The following ITSN1 variants were observed in gnomAD, a reference collection of about 807,000 sequenced individuals.
The protein encoded by ITSN1 is intersectin 1.
In ITSN1, 58 loss-of-function variants were observed where a neutral mutation model predicts 239.8. That is an observed-to-expected ratio of 0.24 (90% CI 0.20 to 0.30). The LOEUF is 0.30. Ranked by LOEUF, ITSN1 falls within the 10% of genes least tolerant of loss-of-function variation. ITSN1 has a pLI of 1.00. For missense variants in ITSN1, 1,558 were observed against 2,103.3 expected (o/e 0.74, Z 5.07); for synonymous variants, 780 against 770.8 (o/e 1.01, Z -0.20).
At chr21:33,743,117 A>G (rs2066962523) in intron 5 of ITSN1, among the ~76,000 whole-genome samples, 1 of 152,204 alleles carries the variant, frequency 6.6e-6, no homozygotes, top group South Asian at 2.1e-4. Context: ...GAAGCAACAC[A>G]GGGGATACTA....
At position 33,865,145 on chromosome 21, in the gene ITSN1, G is replaced by A. The variant is rs757339162; in HGVS notation, c.3891-6G>A. The A allele has an allele frequency of 2.7e-5, 44 of 1,610,202 alleles. No homozygotes were observed. The highest frequency in any genetic ancestry group is 3.0e-5 in the Non-Finnish European group (35 of 1,177,714). On this transcript the variant is annotated splice_region_variant and splice_polypyrimidine_tract_variant and intron_variant, in intron 31 of 39. Coordinates refer to ENST00000381318, the MANE Select transcript of ITSN1 (RefSeq NM_003024.3). This position sits in a 1 kb window ranked among gnomAD's most constrained non-coding sequence, Gnocchi z 4.4. ...CAGGGGGCTCACCTCCCGTGTTTCC[G>A]TGCAGAGCGCTGAGAGTCCGCAAGA...
At chr21:33,782,231 T>C (rs1225940182) in intron 16 of ITSN1, 98 bp downstream of exon 16, 1 of 1,165,050 alleles carries the variant, frequency 8.6e-7, no homozygotes, top group African/African-American at 1.6e-5. Flanking sequence ...GAAAAATTTA[T>C]TATGCCATTG....
At chr21:33,773,478 T>C (rs1359868221) in intron 12 of ITSN1, among the ~76,000 whole-genome samples, 2 of 152,068 alleles carry the variant, frequency 1.3e-5, no homozygotes, top group Non-Finnish European at 2.9e-5. Flanking sequence ...TTCTTTCATG[T>C]GAATGAAAGA....
intron 1 of ITSN1, among the ~76,000 whole-genome samples, chr21:33,690,790 C>CAT (rs1167375498): frequency 0.078 from 1,014 of 12,938 alleles, 64 homozygotes; most frequent in South Asian, 0.11. Flanking sequence ...TATATATATA[C>CAT]ATATATATAT....
At chr21:33,844,744 C>A (rs2074935352) in intron 29 of ITSN1, among the ~76,000 whole-genome samples, 1 of 152,124 alleles carries the variant, frequency 6.6e-6, no homozygotes, top group Non-Finnish European at 1.5e-5. Flanking sequence ...GGGGACCAGG[C>A]CAGGGATGCC....
intron 8 of ITSN1, among the ~76,000 whole-genome samples, chr21:33,761,396 G>A (rs894436413): frequency 2.0e-5 from 3 of 151,778 alleles, no homozygotes; most frequent in Non-Finnish European, 4.4e-5. Context: ...GGCTATTAGC[G>A]CTTCCTGCAA....
rs2069465108 is a variant in ITSN1 at position 33,774,762 on chromosome 21, C to T, written c.1339C>T (p.Leu447Phe). The stretch of plus-strand genomic sequence containing the variant: ...ACGGGAACTTGAAAGGCAACGACAA[C>T]TTGAGTGGGAACGGAATCGAAGGCA... Reference protein sequence around the residue: ...AKRELERQRQLEWERNRRQEL... With the variant: ...AKRELERQRQFEWERNRRQEL... Residue 447 changes from leucine (L) to phenylalanine (F), a missense_variant, in exon 13 of 40, where the codon CTT becomes TTT. This residue lies in a region of ITSN1 where 982 missense variants were observed against 1,209.9 expected (regional missense o/e 0.81). Transcript: ENST00000381318. The T allele has an allele frequency of 6.2e-7, 1 of 1,613,814 alleles. No homozygotes were observed. The highest frequency in any genetic ancestry group is 1.3e-5 in the African/African-American group (1 of 74,896).
At chr21:33,757,133 C>T (rs2067983291) in intron 8 of ITSN1, 1 of 152,170 alleles carries the variant, frequency 6.6e-6, no homozygotes, top group Non-Finnish European at 1.5e-5. Context: ...CACCAGTGCT[C>T]CATACAAACC....
At chr21:33,730,045 C>G (rs1049704528) in intron 4 of ITSN1, among the ~76,000 whole-genome samples, 2 of 151,918 alleles carry the variant, frequency 1.3e-5, no homozygotes, top group Non-Finnish European at 2.9e-5. Flanking sequence ...CTACCTCTTA[C>G]GTGGATATGT....
chr21:33,644,618 G>T (rs572792611), intron 1 of ITSN1, among the ~76,000 whole-genome samples: 1 of 151,806 alleles, frequency 6.6e-6, no homozygotes, highest in South Asian at 2.1e-4. Context: ...ATGAGTGGTA[G>T]CAAGTTAGTT....
chr21:33,679,597 G>GTAA (rs1448145314), intron 1 of ITSN1, among the ~76,000 whole-genome samples: 1 of 151,628 alleles, frequency 6.6e-6, no homozygotes, highest in Non-Finnish European at 1.5e-5. Context: ...GTGGATTATA[G>GTAA]GTTTTAGGAA....
At position 33,856,836 on chromosome 21, in the gene ITSN1, T is replaced by C. The variant is rs150662587; in HGVS notation, c.3762T>C (p.Asn1254=). The C allele has an allele frequency of 6.4e-5, 103 of 1,613,814 alleles. No homozygotes were observed. In the African/African-American group the frequency reaches 1.3e-3, roughly 20 times the overall value. ...TTGTCACCGAGGAGAACTATGTGAA[T>C]GACCTGCAGCTGGTCACAGAGGTAA... The part of the protein sequence containing the change: ...ELIVTEENYV[N]DLQLVTEIFQ... Residue 1254 remains asparagine, a synonymous_variant, in exon 30 of 40, where the codon AAT becomes AAC. Transcript: ENST00000381318.
chr21:33,672,714 A>AT lies in ITSN1; in HGVS notation c.-33+30017dup, dbSNP rs1280113093. ...TCCCAATAGACAAGATATGGAAACG[A>AT]TTTTTTTTTTTTTTTTGAGACGGAG... is the stretch of plus-strand genomic sequence containing the variant. On this transcript the variant is annotated intron_variant, in intron 1 of 39. Coordinates refer to ENST00000381318, the MANE Select transcript of ITSN1 (RefSeq NM_003024.3). 4.8e-3 allele frequency among the ~76,000 whole-genome samples: 683 copies of AT among 142,660 alleles called. 10 individuals carry two copies. The South Asian group carries it at 0.05, about 10-fold the overall frequency. 93.6% of individuals were successfully genotyped at this position (142,660 alleles called of 152,430 possible). A position where few individuals can be genotyped will look rare whatever the true frequency, so the allele number is the denominator to read the frequency against.
chr21:33,815,824 A>G (rs568345457), intron 22 of ITSN1, among the ~76,000 whole-genome samples: 2 of 152,074 alleles, frequency 1.3e-5, no homozygotes, highest in Admixed American at 6.6e-5. Context: ...CTCAGTGAGG[A>G]GGGAGCCTGG....
chr21:33,847,878 TG>T (rs1260509970), intron 29 of ITSN1, among the ~76,000 whole-genome samples: 1 of 152,208 alleles, frequency 6.6e-6, no homozygotes, highest in Non-Finnish European at 1.5e-5. Context: ...TGGCTGTACA[TG>T]GGAACCACAC....
chr21:33,828,590 C>T (rs2074105817), intron 26 of ITSN1, among the ~76,000 whole-genome samples: 1 of 152,216 alleles, frequency 6.6e-6, no homozygotes. Flanking sequence ...GACCTTTTTG[C>T]GTTCTTCCTT....
intron 29 of ITSN1, 70 bp downstream of exon 29, chr21:33,836,702 G>GCAGAATCAGAGCA: frequency 2.4e-6 from 3 of 1,254,014 alleles, no homozygotes; most frequent in Non-Finnish European, 3.4e-6. Flanking sequence ...GCATTGCTCT[G>GCAGAATCAGAGCA]ATTCTGCTGA....
At chr21:33,650,272 C>T (rs1007697115) in intron 1 of ITSN1, among the ~76,000 whole-genome samples, 4 of 152,172 alleles carry the variant, frequency 2.6e-5, no homozygotes, top group Non-Finnish European at 4.4e-5. Context: ...TGGACGTGGA[C>T]GAGGTCAGCT....
chr21:33,840,608 C>T (rs376373693), intron 29 of ITSN1, among the ~76,000 whole-genome samples: 35 of 152,158 alleles, frequency 2.3e-4, no homozygotes, highest in African/African-American at 7.2e-4. Flanking sequence ...GTGATCCACC[C>T]GCCTCAGCCT....
Sources: allele counts gnomAD v4.1 joint callset (sites outside exome capture counted in the v4.1 genomes callset), GRCh38; gene constraint gnomAD v4.1.1; regional missense constraint gnomAD v4.1.1; non-coding constraint Gnocchi (gnomAD v3.1); transcripts MANE v1.5; gene names NCBI Gene and HGNC (gene_info 2026-07-23, HGNC 2026-07-21).